The following BOC variants were observed in gnomAD, a reference collection of about 807,000 sequenced individuals.
BOC encodes the protein brother of CDO.
A neutral mutation model predicts 112.0 loss-of-function variants in BOC; 76 were observed. The ratio of observed to expected loss-of-function variants is 0.68; its 90% CI spans 0.56 to 0.82. The LOEUF (loss-of-function observed/expected upper bound fraction) is 0.82, where lower values mean the gene tolerates loss of function less well. BOC is among the 40% of genes least tolerant of loss of function. BOC has a pLI of 0.00. For missense variants in BOC, 1,309 were observed against 1,511.7 expected (o/e 0.87, Z 2.22); for synonymous variants, 580 against 599.8 (o/e 0.97, Z 0.48).
intron 2 of BOC, among the ~76,000 whole-genome samples, chr3:113,240,912 G>A (rs367876289): frequency 7.2e-5 from 11 of 152,244 alleles, no homozygotes; most frequent in Non-Finnish European, 1.2e-4. Context: ...GCCCACTCCC[G>A]TAATGCAAAG....
At chr3:113,231,130 G>A (rs1290889738) in intron 2 of BOC, among the ~76,000 whole-genome samples, 1 of 152,144 alleles carries the variant, frequency 6.6e-6, no homozygotes, top group African/African-American at 2.4e-5. Context: ...AGGGGTGGTT[G>A]GGAAATGAGG....
At chr3:113,241,633 C>T (rs190987554) in intron 2 of BOC, among the ~76,000 whole-genome samples, 7 of 152,258 alleles carry the variant, frequency 4.6e-5, no homozygotes, top group East Asian at 1.9e-4. Flanking sequence ...AGAATGAAAC[C>T]GGGAAGGGGC....
intron 2 of BOC, among the ~76,000 whole-genome samples, chr3:113,232,274 G>A (rs1416264701): frequency 1.3e-5 from 2 of 152,210 alleles, no homozygotes; most frequent in Non-Finnish European, 2.9e-5. Flanking sequence ...GAGCTGGCAG[G>A]GGTTGGGGCT....
At chr3:113,263,630 A>G (rs867684306) in intron 4 of BOC, among the ~76,000 whole-genome samples, 3 of 152,264 alleles carry the variant, frequency 2.0e-5, no homozygotes, top group Admixed American at 1.3e-4. Flanking sequence ...CGTAAAGTCC[A>G]TGAAAATTGG....
intron 4 of BOC, among the ~76,000 whole-genome samples, chr3:113,260,778 G>C (rs2107537404): frequency 6.6e-6 from 1 of 151,242 alleles, no homozygotes; most frequent in Admixed American, 6.6e-5. Flanking sequence ...ATAGAATAGG[G>C]TTCACCATTA....
rs368545065 is a variant in BOC, at chr3:113,279,965, C to T, written c.2165C>T (p.Thr722Met). The change falls in exon 13 of 20, where the codon ACG (threonine) becomes ATG (methionine). Residue 722 changes from threonine (T) to methionine (M), a missense_variant. Thr to Met is a moderately conservative substitution (Grantham distance 81). Coordinates refer to ENST00000682979, the MANE Select transcript of BOC (RefSeq NM_001378074.1). Reference sequence around the variant, plus strand: ...GTGGCAGGTCCTTATATCACCTTCACGGATGCGGTCAATGAGACCACCATC... The same window carrying T: ...GTGGCAGGTCCTTATATCACCTTCATGGATGCGGTCAATGAGACCACCATC... ...RPVAGPYITF[T>M]DAVNETTIML... 36 of 1,613,140 alleles carry T rather than the reference C, an allele frequency of 2.2e-5. No homozygotes were observed. Among genetic ancestry groups the T allele is most frequent in the Middle Eastern group, 3.3e-4 (2 of 6,054 alleles).
intron 18 of BOC, 104 bp from the exon 19 acceptor site, chr3:113,285,268 C>T: frequency 1.7e-6 from 2 of 1,151,248 alleles, no homozygotes; most frequent in Non-Finnish European, 1.3e-6. Flanking sequence ...TCTGAGCTCT[C>T]ACCAGCTCTG....
At chr3:113,281,966 AG>A (rs1380335245) in intron 15 of BOC, among the ~76,000 whole-genome samples, 2 of 152,158 alleles carry the variant, frequency 1.3e-5, no homozygotes, top group African/African-American at 4.8e-5. Flanking sequence ...CACCTGGTGC[AG>A]GGAGTGCCCA....
At chr3:113,223,327 C>A (rs888693827) in intron 2 of BOC, among the ~76,000 whole-genome samples, 1 of 152,180 alleles carries the variant, frequency 6.6e-6, no homozygotes, top group Admixed American at 6.5e-5. Flanking sequence ...GCAAAAAAGT[C>A]CTATACAGAC....
intron 2 of BOC, among the ~76,000 whole-genome samples, chr3:113,248,931 A>G (rs1007137226): frequency 2.0e-5 from 3 of 150,484 alleles, no homozygotes; most frequent in Non-Finnish European, 4.4e-5. Flanking sequence ...TAGAGACGGA[A>G]AAGTTCAAAA....
intron 2 of BOC, among the ~76,000 whole-genome samples, chr3:113,246,332 G>A (rs1236084052): frequency 1.3e-5 from 2 of 152,096 alleles, no homozygotes; most frequent in African/African-American, 4.8e-5. Flanking sequence ...AAAATAAGAA[G>A]GATCTTAGAT....
intron 4 of BOC, chr3:113,251,581 G>C (rs1468163511): frequency 3.3e-5 from 5 of 151,882 alleles, no homozygotes; most frequent in Non-Finnish European, 5.9e-5. Flanking sequence ...CATTATGTCT[G>C]TAGACATTCT....
In BOC at chr3:113,270,706, G is replaced by C. The variant is rs1948014679; in HGVS notation, c.524-95G>C. ...TCAGCTCCTAGTGCCTGCCCAGCCT[G>C]TTCCTCTCCCTCCGTGCACCTCTCC... On this transcript the variant is annotated intron_variant, in intron 5 of 19. Transcript: ENST00000682979. 2.1e-6 allele frequency: 3 copies of C among 1,441,650 alleles called. No homozygotes were observed. In the African/African-American group the frequency reaches 4.3e-5, roughly 20 times the overall value. The allele number at this position is 1,441,650 out of a possible 1,614,324, so 89.3% of individuals were successfully genotyped here. A position where few individuals can be genotyped will look rare whatever the true frequency, so the allele number is the denominator to read the frequency against.
chr3:113,283,715 C>A, intron 16 of BOC, 83 bp downstream of exon 16: 1 of 1,336,662 alleles, frequency 7.5e-7, no homozygotes, highest in Non-Finnish European at 1.0e-6. Context: ...AGGTCTGTGT[C>A]CATGGAAAGC....
intron 4 of BOC, among the ~76,000 whole-genome samples, chr3:113,264,281 G>T (rs1947215762): frequency 6.6e-6 from 1 of 152,190 alleles, no homozygotes. Flanking sequence ...ACAAAGAGAG[G>T]ATGCAAAAGA....
chr3:113,269,273 C>G (rs1314631468), intron 5 of BOC: 2 of 152,232 alleles, frequency 1.3e-5, no homozygotes, highest in Admixed American at 1.3e-4. Flanking sequence ...CCACAGTGGA[C>G]AGACACGGCA....
In BOC at chr3:113,278,016, C is replaced by T. The variant is rs544527800; in HGVS notation, c.1543-79C>T. ...CCTTCTCCTGCCCTCTTGGGCTCAG[C>T]GCTGCTTTCTTTGTAAACCATAGCC... On this transcript the variant is annotated intron_variant, in intron 9 of 19. Coordinates refer to ENST00000682979, the MANE Select transcript of BOC (RefSeq NM_001378074.1). This position sits in a 1 kb window ranked among gnomAD's most constrained non-coding sequence, Gnocchi z 4.2. 62 of 1,544,020 alleles carry T rather than the reference C, an allele frequency of 4.0e-5. No individual in the cohort carries two copies. Among genetic ancestry groups the T allele is most frequent in the East Asian group, 3.6e-4 (16 of 44,372 alleles).
chr3:113,251,013 C>A (rs1945566416), intron 4 of BOC, 180 bp downstream of exon 4: 1 of 786,740 alleles, frequency 1.3e-6, no homozygotes, highest in Non-Finnish European at 2.0e-6. Flanking sequence ...GACCCTTGTG[C>A]CCTTGGAAAA....
Position 113,278,415 on chromosome 3 carries a change from G to T in BOC, c.1705+158G>T. Among the ~76,000 whole-genome samples, 1 of 152,034 alleles carries T rather than the reference G, an allele frequency of 6.6e-6. No homozygotes were observed. Among genetic ancestry groups the T allele is most frequent in the Non-Finnish European group, 1.5e-5 (1 of 68,020 alleles). On this transcript the variant is annotated intron_variant, in intron 10 of 19. Transcript: ENST00000682979. The surrounding 1 kb of genome is among the most constrained non-coding windows in gnomAD (Gnocchi z 4.2). ...CTCCTTGTGGTTTGTGTGCTAGGCTGAGGTCCCAGCTCTCATCAGGAGAGT... is the reference window on the plus strand; with the variant it reads ...CTCCTTGTGGTTTGTGTGCTAGGCTTAGGTCCCAGCTCTCATCAGGAGAGT...
Sources: allele counts gnomAD v4.1 joint callset (sites outside exome capture counted in the v4.1 genomes callset), GRCh38; gene constraint gnomAD v4.1.1; non-coding constraint Gnocchi (gnomAD v3.1); transcripts MANE v1.5; gene names NCBI Gene and HGNC (gene_info 2026-07-23, HGNC 2026-07-21).